The following LRRTM4 variants were observed in gnomAD, a reference collection of about 807,000 sequenced individuals.
LRRTM4 encodes the protein leucine rich repeat transmembrane neuronal 4, also known as leucine-rich repeat transmembrane neuronal protein 4.
LRRTM4 carries 25 observed loss-of-function variants against 47.6 expected under a neutral mutation model. That is an observed-to-expected ratio of 0.53 (90% CI 0.38 to 0.73). The LOEUF is 0.73. Ranked by LOEUF, LRRTM4 falls within the 30% of genes least tolerant of loss-of-function variation. The pLI, the probability that LRRTM4 is intolerant of heterozygous loss-of-function variation, is 0.00. For missense variants in LRRTM4, 638 were observed against 713.4 expected, an observed-to-expected ratio of 0.89 and a Z score of 1.20; for synonymous variants, 311 against 269.5, an observed-to-expected ratio of 1.15 and a Z score of -1.51.
chr2:77,154,718 C>T (rs1030305358), intron 3 of LRRTM4, among the ~76,000 whole-genome samples: 7 of 151,904 alleles, frequency 4.6e-5, no homozygotes, highest in Non-Finnish European at 8.8e-5. Context: ...AAGGAAAATA[C>T]GAAATATGAA....
intron 3 of LRRTM4, among the ~76,000 whole-genome samples, chr2:76,763,422 T>C (rs1418003804): frequency 6.6e-6 from 1 of 152,234 alleles, no homozygotes; most frequent in South Asian, 2.1e-4. Context: ...CTCTCTGTAC[T>C]TGGACAAAAA....
intron 3 of LRRTM4, among the ~76,000 whole-genome samples, chr2:77,360,239 C>T (rs958459606): frequency 5.3e-5 from 8 of 152,030 alleles, no homozygotes; most frequent in Non-Finnish European, 1.2e-4. Flanking sequence ...GGGCGAATCA[C>T]GAGGTCAGGA....
At chr2:77,486,127 A>T (rs960218940) in intron 3 of LRRTM4, among the ~76,000 whole-genome samples, 3 of 152,218 alleles carry the variant, frequency 2.0e-5, no homozygotes, top group African/African-American at 7.2e-5. Context: ...TTCTTCTACA[A>T]TAAGCCATAA....
intron 3 of LRRTM4, among the ~76,000 whole-genome samples, chr2:76,900,366 T>G (rs1185322254): frequency 6.6e-6 from 1 of 152,032 alleles, no homozygotes; most frequent in Non-Finnish European, 1.5e-5. Flanking sequence ...GTTTGCAATA[T>G]GTATCAAAGG....
At chr2:76,917,320 C>G (rs12618957) in intron 3 of LRRTM4, among the ~76,000 whole-genome samples, 15,245 of 152,128 alleles carry the variant, frequency 0.1, 1,293 homozygotes, top group East Asian at 0.46. Context: ...CTCTAAAATC[C>G]TTTAATATTT....
intron 3 of LRRTM4, among the ~76,000 whole-genome samples, chr2:76,979,976 A>G (rs1471352906): frequency 6.6e-6 from 1 of 152,068 alleles, no homozygotes; most frequent in Non-Finnish European, 1.5e-5. Flanking sequence ...CCCTGGCCAC[A>G]GATGATTTGT....
chr2:77,391,493 G>T (rs75631247), intron 3 of LRRTM4, among the ~76,000 whole-genome samples: 61 of 151,996 alleles, frequency 4.0e-4, no homozygotes, highest in African/African-American at 1.4e-3. Flanking sequence ...GTTCACATCT[G>T]TCTTCAAGGC....
In LRRTM4 at chr2:77,498,201, G is replaced by A. The variant is rs554916710; in HGVS notation, c.1551+20117C>T. Among the ~76,000 whole-genome samples the A allele has an allele frequency of 2.0e-5, 3 of 151,838 alleles. No individual in the cohort carries two copies. The East Asian group carries it at 5.8e-4, about 29-fold the overall frequency. On this transcript the variant is annotated intron_variant, in intron 3 of 3. Coordinates refer to ENST00000409884, the MANE Select transcript of LRRTM4 (RefSeq NM_001134745.3). ...TTACCTGTGAGCCTTAAACTCAATT[G>A]GAAGAAATCTTTCATCAAGAGTTTA... is the stretch of plus-strand genomic sequence containing the variant.
intron 3 of LRRTM4, among the ~76,000 whole-genome samples, chr2:76,963,438 G>A (rs1017779115): frequency 1.3e-5 from 2 of 150,736 alleles, no homozygotes; most frequent in African/African-American, 4.8e-5. Context: ...ATCAGAAAAT[G>A]GCTAAACCAC....
At chr2:76,767,928 A>C (rs1280042140) in intron 3 of LRRTM4, among the ~76,000 whole-genome samples, 1 of 152,206 alleles carries the variant, frequency 6.6e-6, no homozygotes, top group Admixed American at 6.5e-5. Flanking sequence ...AATTAAGCCT[A>C]TTCCTGGGAT....
chr2:77,460,795 TA>T (rs1558754094), intron 3 of LRRTM4, among the ~76,000 whole-genome samples: 2 of 149,460 alleles, frequency 1.3e-5, no homozygotes, highest in Non-Finnish European at 3.0e-5. Context: ...AGGACAGATA[TA>T]AAAGCCCCAT....
At chr2:77,407,073 G>A (rs768208161) in intron 3 of LRRTM4, among the ~76,000 whole-genome samples, 29 of 152,040 alleles carry the variant, frequency 1.9e-4, no homozygotes, top group East Asian at 1.2e-3. Context: ...TCCTTACGAC[G>A]AGATTATCGA....
chr2:77,212,474 T>TAGAGAG (rs35907246), intron 3 of LRRTM4, among the ~76,000 whole-genome samples: 9 of 136,956 alleles, frequency 6.6e-5, no homozygotes, highest in African/African-American at 2.4e-4. Context: ...TATATATATA[T>TAGAGAG]AGAGAGAGAG....
intron 3 of LRRTM4, among the ~76,000 whole-genome samples, chr2:77,010,922 T>A (rs1213424184): frequency 6.6e-6 from 1 of 152,146 alleles, no homozygotes; most frequent in Admixed American, 6.6e-5. Flanking sequence ...CATAGCCATA[T>A]GAAAGGCAAC....
intron 3 of LRRTM4, among the ~76,000 whole-genome samples, chr2:77,262,536 G>C (rs940133475): frequency 2.6e-5 from 4 of 151,440 alleles, no homozygotes; most frequent in Admixed American, 2.0e-4. Flanking sequence ...ATCCCATCTA[G>C]AATAACATTT....
At chr2:76,816,120 T>TCACC (rs1292041117) in intron 3 of LRRTM4, among the ~76,000 whole-genome samples, 1 of 152,096 alleles carries the variant, frequency 6.6e-6, no homozygotes, top group Non-Finnish European at 1.5e-5. Flanking sequence ...TTCCTGTGTT[T>TCACC]ACCTGGAGAA....
chr2:76,895,976 A>G (rs1673405602), intron 3 of LRRTM4, among the ~76,000 whole-genome samples: 1 of 152,024 alleles, frequency 6.6e-6, no homozygotes, highest in African/African-American at 2.4e-5. Flanking sequence ...GAATAAAAGC[A>G]CTCAGCAGGT....
At chr2:76,783,940 A>T (rs927495419) in intron 3 of LRRTM4, among the ~76,000 whole-genome samples, 1 of 152,236 alleles carries the variant, frequency 6.6e-6, no homozygotes, top group East Asian at 1.9e-4. Context: ...CAGATGATTC[A>T]TTAGTAAAAA....
At chr2:77,370,997 G>T (rs1434617097) in intron 3 of LRRTM4, among the ~76,000 whole-genome samples, 1 of 151,660 alleles carries the variant, frequency 6.6e-6, no homozygotes, top group Non-Finnish European at 1.5e-5. Flanking sequence ...GTTGGTTGGG[G>T]AGGACCACAT....
Sources: allele counts gnomAD v4.1 joint callset (sites outside exome capture counted in the v4.1 genomes callset), GRCh38; gene constraint gnomAD v4.1.1; transcripts MANE v1.5; gene names NCBI Gene and HGNC (gene_info 2026-07-23, HGNC 2026-07-21).